Variants in ACSS2 observed in about 807,000 individuals in gnomAD.
ACSS2 encodes acetyl-coenzyme A synthetase, cytoplasmic.
Under a neutral mutation model 90.6 loss-of-function variants are expected in ACSS2, and 58 were observed. That is an observed-to-expected ratio of 0.64 (90% confidence interval 0.52 to 0.80). The LOEUF (loss-of-function observed/expected upper bound fraction) is 0.80. ACSS2 is among the 30% of genes least tolerant of loss of function. The pLI, the probability that ACSS2 is intolerant of heterozygous loss-of-function variation, is 0.00. For synonymous variants in ACSS2, 300 were observed against 330.9 expected (o/e 0.91, Z 1.01); for missense variants, 759 against 912.0 (o/e 0.83, Z 2.16).
chr20:34,897,806 G>A (rs1036270929), intron 2 of ACSS2, among the ~76,000 whole-genome samples: 2 of 151,980 alleles, frequency 1.3e-5, no homozygotes, highest in Admixed American at 1.3e-4. Flanking sequence ...TCCAGCCTGG[G>A]CAACAAAGTG....
rs770989356 is a variant in ACSS2 at position 34,921,033 on chromosome 20, G to A, written c.1171G>A (p.Val391Met). ...TGAGGGGATTCCCACATATCCGGAC[G>A]TGAACCGCCTGTGGAGCATTGTGGA... Reference protein sequence around the residue: ...LFEGIPTYPDVNRLWSIVDKY... With the variant: ...LFEGIPTYPDMNRLWSIVDKY... Residue 391 changes from valine (V) to methionine (M), a missense_variant, in exon 10 of 18, where the codon GTG becomes ATG. Coordinates refer to ENST00000360596, the MANE Select transcript of ACSS2 (RefSeq NM_018677.4). The A allele has an allele frequency of 8.1e-6, 13 of 1,614,146 alleles. No individual in the cohort carries two copies. Among genetic ancestry groups the A allele is most frequent in the Middle Eastern group, 3.3e-4 (2 of 6,062 alleles).
chr20:34,909,599 T>C (rs1290105294), intron 2 of ACSS2, among the ~76,000 whole-genome samples: 1 of 152,152 alleles, frequency 6.6e-6, no homozygotes. Flanking sequence ...ATGCATGTAG[T>C]ATATATGCTT....
At chr20:34,914,243 C>T (rs2081030005) in intron 6 of ACSS2, 72 bp downstream of exon 6, 11 of 1,603,822 alleles carry the variant, frequency 6.9e-6, no homozygotes, top group Non-Finnish European at 8.5e-6. Context: ...GTCCCCTCTA[C>T]CCTAAATGGA....
intron 2 of ACSS2, among the ~76,000 whole-genome samples, chr20:34,907,314 C>T (rs1211465705): frequency 6.6e-6 from 1 of 152,032 alleles, no homozygotes; most frequent in Non-Finnish European, 1.5e-5. Flanking sequence ...GTTGGGGCTT[C>T]GCCATGTTGG....
At chr20:34,909,962 C>A (rs935940140) in intron 2 of ACSS2, among the ~76,000 whole-genome samples, 14 of 151,794 alleles carry the variant, frequency 9.2e-5, no homozygotes, top group Non-Finnish European at 2.1e-4. Flanking sequence ...GGTGATCTGC[C>A]TGCCTTGGCC....
chr20:34,889,889 A>G (rs1431682519), intron 2 of ACSS2, among the ~76,000 whole-genome samples: 1 of 152,132 alleles, frequency 6.6e-6, no homozygotes, highest in Non-Finnish European at 1.5e-5. Flanking sequence ...CTATTTTTGG[A>G]GATCTGTGAA....
In ACSS2 at chr20:34,923,088, C is replaced by T. The variant is rs2081237395; in HGVS notation, c.1549-235C>T. ...TAATCCTCACAATAACTTTGGAAGA[C>T]AGAAAGTATTTTCTCTGATTTACAG... On this transcript the variant is annotated intron_variant, in intron 13 of 17. Coordinates refer to ENST00000360596, the MANE Select transcript of ACSS2 (RefSeq NM_018677.4). 6 of 458,890 alleles carry T rather than the reference C, an allele frequency of 1.3e-5. No individual in the cohort carries two copies. The East Asian group carries it at 2.0e-4, about 15-fold the overall frequency. 28.4% of individuals were successfully genotyped at this position (458,890 alleles called of 1,614,324 possible).
At chr20:34,920,052 C>T (rs2081162280) in intron 8 of ACSS2, among the ~76,000 whole-genome samples, 1 of 152,306 alleles carries the variant, frequency 6.6e-6, no homozygotes. Context: ...ACCTTCTGCC[C>T]ACTCCACCCC....
chr20:34,917,663 A>G (rs2081102471), intron 7 of ACSS2, among the ~76,000 whole-genome samples: 1 of 152,250 alleles, frequency 6.6e-6, no homozygotes, highest in Admixed American at 6.5e-5. Flanking sequence ...TCTAATTAAT[A>G]TGAAAGGACT....
intron 2 of ACSS2, among the ~76,000 whole-genome samples, chr20:34,899,550 C>T (rs1427681634): frequency 6.6e-6 from 1 of 151,042 alleles, no homozygotes; most frequent in African/African-American, 2.4e-5. Flanking sequence ...AGTGCAATGG[C>T]ATGATCTCGG....
chr20:34,913,933 C>G (rs1200980101), intron 5 of ACSS2, 108 bp downstream of exon 5: 6 of 1,377,328 alleles, frequency 4.4e-6, no homozygotes. Context: ...TAGAGACTGC[C>G]TGCCTTTTCT....
intron 2 of ACSS2, among the ~76,000 whole-genome samples, chr20:34,903,339 C>CT (rs2080715979): frequency 2.6e-5 from 3 of 115,076 alleles, no homozygotes; most frequent in South Asian, 5.9e-4. Context: ...GAGACTCTCT[C>CT]AAAAAAAAAA....
intron 2 of ACSS2, among the ~76,000 whole-genome samples, chr20:34,889,782 C>T (rs1319570213): frequency 6.6e-6 from 1 of 152,060 alleles, no homozygotes; most frequent in Non-Finnish European, 1.5e-5. Context: ...GAATGAAGAA[C>T]CTATGGAATT....
Position 34,914,303 on chromosome 20 carries a change from T to C in ACSS2, c.720-20T>C. 2 of 1,610,574 alleles carry C rather than the reference T, an allele frequency of 1.2e-6. No individual in the cohort carries two copies. The highest frequency in any genetic ancestry group is 1.7e-6 in the Non-Finnish European group (2 of 1,177,916). On this transcript the variant is annotated intron_variant, in intron 6 of 17. Transcript: ENST00000360596. ...CTTTGAGCCAACAAGGCTACCACTT[T>C]AGGCTTTTCTCTTCTCCAGGGGTTT...
chr20:34,909,909 G>A (rs2080907549), intron 2 of ACSS2, among the ~76,000 whole-genome samples: 1 of 151,874 alleles, frequency 6.6e-6, no homozygotes, highest in Non-Finnish European at 1.5e-5. Flanking sequence ...TAGAGATGGG[G>A]TTTTGCCATG....
Position 34,876,763 on chromosome 20 carries a change from C to G in ACSS2, c.118C>G (p.His40Asp), listed in dbSNP as rs1227783416. ...SPPPEVSRSA[H>D]VPSLQRYREL... The stretch of plus-strand genomic sequence containing the variant: ...GCCGCCCGAGGTCAGCCGCTCCGCG[C>G]ACGTCCCCTCGCTGCAGCGCTACCG... The change falls in exon 1 of 18, where the codon CAC (histidine) becomes GAC (aspartate). Residue 40 changes from histidine to aspartate, a missense_variant. Coordinates refer to ENST00000360596, the MANE Select transcript of ACSS2 (RefSeq NM_018677.4). 9.8e-6 allele frequency: 14 copies of G among 1,423,322 alleles called. No homozygotes were observed. Among genetic ancestry groups the G allele is most frequent in the Non-Finnish European group, 1.3e-5 (14 of 1,079,418 alleles). 88.2% of individuals were successfully genotyped at this position (1,423,322 alleles called of 1,614,324 possible).
intron 2 of ACSS2, among the ~76,000 whole-genome samples, chr20:34,899,097 G>A (rs748801122): frequency 1.3e-5 from 2 of 152,208 alleles, no homozygotes; most frequent in Non-Finnish European, 2.9e-5. Flanking sequence ...GCTGCTCCGA[G>A]TGCGGGGCCT....
chr20:34,923,281 C>G, intron 13 of ACSS2, 42 bp from the exon 14 acceptor site: 1 of 1,369,150 alleles, frequency 7.3e-7, no homozygotes, highest in Non-Finnish European at 1.0e-6. Flanking sequence ...TCCAGTGAGA[C>G]AGCATAGCAA....
At chr20:34,900,713 T>G (rs2080636720) in intron 2 of ACSS2, among the ~76,000 whole-genome samples, 1 of 152,204 alleles carries the variant, frequency 6.6e-6, no homozygotes, top group Admixed American at 6.5e-5. Context: ...TAGATATCAT[T>G]TGAAACCAGA....
Sources: gnomAD v4.1 joint callset for allele counts (sites outside exome capture counted in the v4.1 genomes callset) on GRCh38, gnomAD v4.1.1 for gene constraint, MANE v1.5 for transcripts, NCBI Gene and HGNC (gene_info 2026-07-23, HGNC 2026-07-21) for gene names.